The following MAP2K4 variants were observed in gnomAD, a reference collection of about 807,000 sequenced individuals.
MAP2K4 encodes dual specificity mitogen-activated protein kinase kinase 4.
A neutral mutation model predicts 48.5 loss-of-function variants in MAP2K4; 4 were observed. The ratio of observed to expected loss-of-function variants is 0.08; its 90% CI spans 0.04 to 0.19. The LOEUF is 0.19. Ranked by LOEUF, MAP2K4 falls within the 10% of genes least tolerant of loss-of-function variation. The pLI is 1.00. For synonymous variants in MAP2K4, 166 were observed against 173.1 expected, an observed-to-expected ratio of 0.96 and a Z score of 0.32; for missense variants, 258 against 493.3, an observed-to-expected ratio of 0.52 and a Z score of 4.52.
Position 12,129,198 on chromosome 17 carries a change from A to G in MAP2K4, c.951A>G (p.Leu317=). The change falls in exon 9 of 11, where the codon CTA becomes CTG. Residue 317 remains leucine (L), a synonymous_variant. Coordinates refer to ENST00000353533, the MANE Select transcript of MAP2K4 (RefSeq NM_003010.4). Reference sequence around the variant, plus strand: ...AGTGGAATAGTGTATTTGATCAACTAACACAAGTCGTGAAAGGAGATCCTC... The same window carrying G: ...AGTGGAATAGTGTATTTGATCAACTGACACAAGTCGTGAAAGGAGATCCTC... The part of the protein sequence containing the change: ...YPKWNSVFDQ[L]TQVVKGDPPQ... 2 of 1,614,198 alleles carry G rather than the reference A, an allele frequency of 1.2e-6. No homozygotes were observed. Among genetic ancestry groups the G allele is most frequent in the Non-Finnish European group, 8.5e-7 (1 of 1,180,006 alleles).
At position 12,090,941 on chromosome 17, in the gene MAP2K4, C is replaced by T. The variant is rs546766681; in HGVS notation, c.394-4634C>T. On this transcript the variant is annotated intron_variant, in intron 3 of 10. Transcript: ENST00000353533. ...CTGCTTTAAAGTTTTTCATACTTAC[C>T]GATGTTAGTTTTATTGCTAGTCATT... Among the ~76,000 whole-genome samples, 11 of 151,980 alleles carry T rather than the reference C, an allele frequency of 7.2e-5. 1 individual carries two copies. The highest frequency in any genetic ancestry group is 6.8e-3 in the Middle Eastern group (2 of 294).
rs1038814073 is a variant in MAP2K4, at chr17:12,127,799, C to T, written c.892-1340C>T. Among the ~76,000 whole-genome samples, 4 of 152,166 alleles carry T rather than the reference C, an allele frequency of 2.6e-5. No individual in the cohort carries two copies. The South Asian group carries it at 6.2e-4, about 24-fold the overall frequency. On this transcript the variant is annotated intron_variant, in intron 8 of 10. Transcript: ENST00000353533. ...GAAAGAAACTTCAGCTAACGGAATA[C>T]ATTTTTCTGTGTGTGTATGCATGCA...
At chr17:12,035,270 C>T (rs1320835066) in intron 1 of MAP2K4, among the ~76,000 whole-genome samples, 6 of 152,192 alleles carry the variant, frequency 3.9e-5, no homozygotes, top group Admixed American at 3.9e-4. Context: ...GTAATCCCAG[C>T]ACTTCGGGAG....
intron 1 of MAP2K4, among the ~76,000 whole-genome samples, chr17:12,049,150 A>G (rs557845351): frequency 6.6e-6 from 1 of 152,350 alleles, no homozygotes; most frequent in East Asian, 1.9e-4. Flanking sequence ...AGATAATTAA[A>G]AAATTATTCC....
chr17:12,093,850 A>G (rs1298932749), intron 3 of MAP2K4, among the ~76,000 whole-genome samples: 2 of 152,166 alleles, frequency 1.3e-5, no homozygotes, highest in South Asian at 2.1e-4. Flanking sequence ...CTAAATTAGC[A>G]TTTTCACAGC....
intron 4 of MAP2K4, among the ~76,000 whole-genome samples, chr17:12,103,394 A>G (rs533668496): frequency 6.6e-6 from 1 of 151,350 alleles, no homozygotes; most frequent in African/African-American, 2.4e-5. Context: ...ATTTTTTTTG[A>G]CGGGGAGCGG....
intron 7 of MAP2K4, among the ~76,000 whole-genome samples, chr17:12,119,119 A>T (rs1297422232): frequency 6.6e-6 from 1 of 152,212 alleles, no homozygotes; most frequent in African/African-American, 2.4e-5. Context: ...TTTAGTGATA[A>T]TGAGGATGAT....
At chr17:12,044,686 TC>T (rs1168313196) in intron 1 of MAP2K4, among the ~76,000 whole-genome samples, 17 of 152,320 alleles carry the variant, frequency 1.1e-4, no homozygotes, top group Admixed American at 3.3e-4. Context: ...GTCCTCCAGT[TC>T]AATTATCACA....
intron 2 of MAP2K4, among the ~76,000 whole-genome samples, chr17:12,055,999 A>G (rs1189312507): frequency 6.6e-6 from 1 of 152,096 alleles, no homozygotes; most frequent in Non-Finnish European, 1.5e-5. Context: ...ACCTTCTCTG[A>G]AACATCAAGT....
At chr17:12,072,456 TTTC>T (rs1970848502) in intron 2 of MAP2K4, among the ~76,000 whole-genome samples, 1 of 152,220 alleles carries the variant, frequency 6.6e-6, no homozygotes, top group African/African-American at 2.4e-5. Flanking sequence ...GAATGAAAGT[TTTC>T]TTATTTTCTT....
chr17:12,126,337 T>A (rs1431048153), intron 8 of MAP2K4, among the ~76,000 whole-genome samples: 1 of 152,272 alleles, frequency 6.6e-6, no homozygotes, highest in Non-Finnish European at 1.5e-5. Flanking sequence ...ATGGACTGTA[T>A]TGAAATTTTG....
chr17:12,095,718 T>C (rs778272613), intron 4 of MAP2K4, 24 bp downstream of exon 4: 4 of 1,608,418 alleles, frequency 2.5e-6, no homozygotes, highest in Non-Finnish European at 3.4e-6. Flanking sequence ...GGGTTTTAGC[T>C]GACTAATGAA....
At chr17:12,082,804 G>T (rs1971235460) in intron 3 of MAP2K4, among the ~76,000 whole-genome samples, 2 of 152,172 alleles carry the variant, frequency 1.3e-5, no homozygotes, top group African/African-American at 4.8e-5. Context: ...ACAACATTTT[G>T]TATACAAACC....
chr17:12,032,306 A>G, intron 1 of MAP2K4: 1 of 1,359,504 alleles, frequency 7.4e-7, no homozygotes, highest in East Asian at 2.7e-5. Context: ...AAAGTAAGCT[A>G]CAAATTTTAT....
chr17:12,113,443 G>A (rs1041904723), intron 7 of MAP2K4, 83 bp downstream of exon 7: 7 of 1,488,192 alleles, frequency 4.7e-6, no homozygotes, highest in African/African-American at 2.8e-5. Flanking sequence ...TTAGTCATAC[G>A]GTTTTACCAT....
chr17:12,097,693 T>C (rs1597464119), intron 4 of MAP2K4, among the ~76,000 whole-genome samples: 2 of 152,260 alleles, frequency 1.3e-5, no homozygotes. Flanking sequence ...TTGGTGGTAT[T>C]ATCTATCCCC....
At chr17:12,053,607 G>GGTACCC (rs1970205885) in intron 1 of MAP2K4, among the ~76,000 whole-genome samples, 2 of 151,522 alleles carry the variant, frequency 1.3e-5, no homozygotes, top group South Asian at 4.2e-4. Flanking sequence ...TGCACATGTT[G>GGTACCC]TTTGAATGTC....
Position 12,099,228 on chromosome 17 carries a change from A to C in MAP2K4, c.513+3534A>C, listed in dbSNP as rs182669567. Among the ~76,000 whole-genome samples, 886 of 151,780 alleles carry C rather than the reference A, an allele frequency of 5.8e-3. 1 individual carries two copies. The highest frequency in any genetic ancestry group is 9.6e-3 in the South Asian group (46 of 4,812). Reference sequence around the variant, plus strand: ...CGTGTTGCTACAAAAAAAAAAAAACATGATTTCATTCTTTTTTTAATGGCT... The same window carrying C: ...CGTGTTGCTACAAAAAAAAAAAAACCTGATTTCATTCTTTTTTTAATGGCT... On this transcript the variant is annotated intron_variant, in intron 4 of 10. Coordinates refer to ENST00000353533, the MANE Select transcript of MAP2K4 (RefSeq NM_003010.4).
At chr17:12,076,117 G>A (rs1970992693) in intron 2 of MAP2K4, among the ~76,000 whole-genome samples, 1 of 152,112 alleles carries the variant, frequency 6.6e-6, no homozygotes, top group Non-Finnish European at 1.5e-5. Context: ...TGTGGCTAGA[G>A]CTGTTCTAAT....
Sources: gnomAD v4.1 joint callset for allele counts (sites outside exome capture counted in the v4.1 genomes callset) on GRCh38, gnomAD v4.1.1 for gene constraint, MANE v1.5 for transcripts, NCBI Gene and HGNC (gene_info 2026-07-23, HGNC 2026-07-21) for gene names.